MACC1: variants seen among roughly 807,000 people sequenced by gnomAD.
The protein encoded by MACC1 is MET transcriptional regulator MACC1.
Under a neutral mutation model 70.7 loss-of-function variants are expected in MACC1, and 79 were observed. The ratio of observed to expected loss-of-function variants is 1.12; its 90% CI spans 0.93 to 1.35. The LOEUF is 1.35. Ranked by LOEUF, MACC1 falls within the 40% of genes most tolerant of loss-of-function variation. The pLI, the probability that MACC1 is intolerant of heterozygous loss-of-function variation, is 0.00. For missense variants in MACC1, 1,106 were observed against 978.1 expected, an observed-to-expected ratio of 1.13 and a Z score of -1.74; for synonymous variants, 361 against 347.2, an observed-to-expected ratio of 1.04 and a Z score of -0.44.
intron 1 of MACC1, among the ~76,000 whole-genome samples, chr7:20,200,820 A>T (rs949551905): frequency 6.6e-6 from 1 of 152,218 alleles, no homozygotes; most frequent in Admixed American, 6.5e-5. Context: ...GTGGATATCC[A>T]GTAAGAATAC....
intron 1 of MACC1, among the ~76,000 whole-genome samples, chr7:20,207,525 A>G (rs1229454529): frequency 1.3e-5 from 2 of 152,164 alleles, no homozygotes; most frequent in African/African-American, 4.8e-5. Flanking sequence ...GTTAGGACCT[A>G]TAATTCAAAT....
intron 6 of MACC1, among the ~76,000 whole-genome samples, chr7:20,151,503 C>A (rs1781977890): frequency 6.6e-6 from 1 of 152,126 alleles, no homozygotes; most frequent in Admixed American, 6.5e-5. Context: ...AGATTCCAAG[C>A]TTTACAGCTT....
intron 1 of MACC1, among the ~76,000 whole-genome samples, chr7:20,173,732 A>G (rs757865749): frequency 6.6e-6 from 1 of 152,206 alleles, no homozygotes. Context: ...TCTTGGCCCA[A>G]CTAACCAGTA....
chr7:20,205,845 C>A (rs1225901973), intron 1 of MACC1, among the ~76,000 whole-genome samples: 2 of 152,120 alleles, frequency 1.3e-5, no homozygotes, highest in Non-Finnish European at 2.9e-5. Flanking sequence ...CTGTAGCATT[C>A]ACTTTTCTGA....
chr7:20,151,275 T>G (rs1781973470), intron 6 of MACC1, among the ~76,000 whole-genome samples: 1 of 152,178 alleles, frequency 6.6e-6, no homozygotes, highest in African/African-American at 2.4e-5. Context: ...ATCCCCAGCA[T>G]GTCCCCTTGT....
rs1319489554 is a variant in MACC1, at chr7:20,141,174, A to AG, written c.2347-17_2347-16insC. The AG allele has an allele frequency of 1.3e-6, 2 of 1,543,306 alleles. No homozygotes were observed. The highest frequency in any genetic ancestry group is 2.4e-5 in the South Asian group (2 of 83,072). ...TCCACATCATCTATAAAGAAAAAAA[A>AG]TAGATTGGAGTAGTGTGGAAGTAGA... On this transcript the variant is annotated splice_polypyrimidine_tract_variant and intron_variant, in intron 6 of 6. Coordinates refer to ENST00000400331, the MANE Select transcript of MACC1 (RefSeq NM_182762.4).
intron 1 of MACC1, among the ~76,000 whole-genome samples, chr7:20,181,517 T>A (rs1782506456): frequency 6.6e-6 from 1 of 152,120 alleles, no homozygotes; most frequent in African/African-American, 2.4e-5. Context: ...ATTGTATTAA[T>A]TTAATATGTA....
intron 1 of MACC1, among the ~76,000 whole-genome samples, chr7:20,188,849 A>T (rs1782628539): frequency 6.6e-6 from 1 of 152,222 alleles, no homozygotes; most frequent in South Asian, 2.1e-4. Flanking sequence ...CTTGGGTCAT[A>T]TGACTTGTCT....
rs182945066 is a variant in MACC1, at chr7:20,208,717, G to A, written c.-218+8582C>T. Among the ~76,000 whole-genome samples the A allele has an allele frequency of 4.6e-3, 705 of 152,310 alleles. 2 individuals carry two copies. The highest frequency in any genetic ancestry group is 0.016 in the South Asian group (79 of 4,826). ...TGCTGCAGAAATTTGCATAAGTAAC[G>A]AGGAGCCAAATGTTAATCACCAAGA... is the stretch of plus-strand genomic sequence containing the variant. On this transcript the variant is annotated intron_variant, in intron 1 of 6. Coordinates refer to ENST00000400331, the MANE Select transcript of MACC1 (RefSeq NM_182762.4).
intron 2 of MACC1, 131 bp from the exon 3 acceptor site, chr7:20,164,530 T>TAA (rs1186690959): frequency 6.6e-6 from 1 of 152,012 alleles, no homozygotes; most frequent in Non-Finnish European, 1.5e-5. Flanking sequence ...AATTGTCTCA[T>TAA]AAGGTGGCAT....
Position 20,158,816 on chromosome 7 carries a change from C to G in MACC1, c.1545G>C (p.Ser515=). The change falls in exon 5 of 7, where the codon TCG becomes TCC. Residue 515 remains serine (S), a synonymous_variant. Coordinates refer to ENST00000400331, the MANE Select transcript of MACC1 (RefSeq NM_182762.4). Reference sequence around the variant, plus strand: ...TCTTCTGCAAATAGCCTGGCAGATTCGAGAGTCTTTTTAGGTTTGGGGTTG... The same window carrying G: ...TCTTCTGCAAATAGCCTGGCAGATTGGAGAGTCTTTTTAGGTTTGGGGTTG... ...PDPTPNLKRL[S]NLPGYLQKKE... The G allele has an allele frequency of 6.2e-7, 1 of 1,614,020 alleles. No homozygotes were observed. The highest frequency in any genetic ancestry group is 8.5e-7 in the Non-Finnish European group (1 of 1,180,006).
chr7:20,164,081 C>T (rs765951137), intron 3 of MACC1, among the ~76,000 whole-genome samples, 175 bp downstream of exon 3: 2 of 152,112 alleles, frequency 1.3e-5, no homozygotes, highest in Non-Finnish European at 2.9e-5. Context: ...GGATTACAGG[C>T]GCCCACCACC....
chr7:20,195,911 C>A (rs957859939), intron 1 of MACC1, among the ~76,000 whole-genome samples: 8 of 152,166 alleles, frequency 5.3e-5, no homozygotes, highest in African/African-American at 1.9e-4. Flanking sequence ...ATTAGGTTGT[C>A]TTATTGCCAT....
At chr7:20,141,331 G>A (rs530646725) in intron 6 of MACC1, among the ~76,000 whole-genome samples, 173 bp from the exon 7 acceptor site, 6 of 152,166 alleles carry the variant, frequency 3.9e-5, no homozygotes, top group Non-Finnish European at 8.8e-5. Context: ...TCAGCTTCCT[G>A]TTATATCCCT....
At position 20,148,570 on chromosome 7, in the gene MACC1, G is replaced by C. The variant is rs541756441; in HGVS notation, c.2346+5623C>G. 5.5e-3 allele frequency among the ~76,000 whole-genome samples: 830 copies of C among 152,114 alleles called. 2 individuals are homozygous for C. The highest frequency in any genetic ancestry group is 0.01 in the South Asian group (49 of 4,820). ...TTCTTAATAATGTTTAACTTAATAT[G>C]CATGTTATTTCTATTTGATTTTCAG... On this transcript the variant is annotated intron_variant, in intron 6 of 6. Transcript: ENST00000400331.
chr7:20,206,539 T>A (rs779443616), intron 1 of MACC1, among the ~76,000 whole-genome samples: 33 of 152,272 alleles, frequency 2.2e-4, no homozygotes, highest in Middle Eastern at 3.4e-3. Context: ...ATTAATGTTA[T>A]TACATCAGAG....
chr7:20,185,582 G>A (rs867041210), intron 1 of MACC1, among the ~76,000 whole-genome samples: 1 of 151,838 alleles, frequency 6.6e-6, no homozygotes. Flanking sequence ...TAAAAATAGA[G>A]AACAAAGTGA....
chr7:20,201,776 T>G (rs757185355), intron 1 of MACC1, among the ~76,000 whole-genome samples: 5 of 151,738 alleles, frequency 3.3e-5, no homozygotes, highest in Non-Finnish European at 5.9e-5. Flanking sequence ...CCAAGGATTA[T>G]AAATTACCCT....
At chr7:20,194,223 T>A (rs761947185) in intron 1 of MACC1, among the ~76,000 whole-genome samples, 1 of 152,190 alleles carries the variant, frequency 6.6e-6, no homozygotes, top group African/African-American at 2.4e-5. Context: ...CCGCTTTTTT[T>A]ATATCCTAAT....
Sources: allele counts gnomAD v4.1 joint callset (sites outside exome capture counted in the v4.1 genomes callset), GRCh38; gene constraint gnomAD v4.1.1; transcripts MANE v1.5; gene names NCBI Gene and HGNC (gene_info 2026-07-23, HGNC 2026-07-21).